Variants in CADPS2 observed in about 807,000 individuals in gnomAD.
CADPS2 encodes calcium dependent secretion activator 2.
A neutral mutation model predicts 172.5 loss-of-function variants in CADPS2; 93 were observed. The observed-to-expected ratio is 0.54, with a 90% CI of 0.46 to 0.64. The LOEUF (loss-of-function observed/expected upper bound fraction) is 0.64, where lower values mean the gene tolerates loss of function less well. CADPS2 is among the 30% of genes least tolerant of loss of function. The pLI is 0.00. For missense variants in CADPS2, 1,420 were observed against 1,565.9 expected, an observed-to-expected ratio of 0.91 and a Z score of 1.57; for synonymous variants, 546 against 555.2, an observed-to-expected ratio of 0.98 and a Z score of 0.23.
intron 1 of CADPS2, among the ~76,000 whole-genome samples, chr7:122,820,051 G>C (rs1219291170): frequency 2.6e-5 from 4 of 152,144 alleles, no homozygotes; most frequent in African/African-American, 4.8e-5. Context: ...TTACAAGTTA[G>C]TTCAGGATCT....
At chr7:122,456,972 T>C (rs1018312694) in intron 14 of CADPS2, among the ~76,000 whole-genome samples, 4 of 152,222 alleles carry the variant, frequency 2.6e-5, no homozygotes, top group African/African-American at 4.8e-5. Context: ...CATCCCGTCA[T>C]GATTATCAAT....
At chr7:122,417,534 A>G (rs2048068946) in intron 17 of CADPS2, among the ~76,000 whole-genome samples, 2 of 152,232 alleles carry the variant, frequency 1.3e-5, no homozygotes, top group African/African-American at 4.8e-5. Context: ...TACTGAAAAG[A>G]TCCATAGACA....
At chr7:122,572,415 T>C (rs1173496081) in intron 7 of CADPS2, among the ~76,000 whole-genome samples, 2 of 152,168 alleles carry the variant, frequency 1.3e-5, no homozygotes, top group Non-Finnish European at 1.5e-5. Context: ...CTTCTGTATA[T>C]ACTGAAGATG....
chr7:122,691,752 C>G (rs1312684016), intron 2 of CADPS2, among the ~76,000 whole-genome samples: 3 of 152,168 alleles, frequency 2.0e-5, no homozygotes. Flanking sequence ...CACAGTGGCA[C>G]CATCCCAGTT....
At chr7:122,674,602 C>T (rs1373026828) in intron 2 of CADPS2, among the ~76,000 whole-genome samples, 1 of 152,242 alleles carries the variant, frequency 6.6e-6, no homozygotes. Flanking sequence ...GTCTGCTCAG[C>T]TGTCTAAACA....
intron 7 of CADPS2, among the ~76,000 whole-genome samples, chr7:122,560,231 G>A (rs1045807519): frequency 1.3e-5 from 2 of 152,154 alleles, no homozygotes; most frequent in African/African-American, 4.8e-5. Flanking sequence ...TGACAATACA[G>A]ACAGGTAGGT....
chr7:122,643,843 C>T (rs1040802525), intron 3 of CADPS2, among the ~76,000 whole-genome samples: 1 of 152,068 alleles, frequency 6.6e-6, no homozygotes, highest in Admixed American at 6.5e-5. Flanking sequence ...ATAATCCCAG[C>T]ATTTTAGGAG....
chr7:122,696,882 C>T (rs995820572), intron 2 of CADPS2, among the ~76,000 whole-genome samples: 3 of 152,040 alleles, frequency 2.0e-5, no homozygotes, highest in Admixed American at 6.6e-5. Context: ...CAAAAATACT[C>T]GAGTGCCAGG....
intron 12 of CADPS2, among the ~76,000 whole-genome samples, chr7:122,478,910 A>C (rs2056993320): frequency 6.6e-6 from 1 of 152,170 alleles, no homozygotes; most frequent in South Asian, 2.1e-4. Context: ...CAGCATGTGC[A>C]CATGTACCCT....
intron 1 of CADPS2, among the ~76,000 whole-genome samples, chr7:122,834,454 A>G (rs1807615209): frequency 6.6e-6 from 1 of 152,098 alleles, no homozygotes; most frequent in African/African-American, 2.4e-5. Context: ...CAGCGGGTGC[A>G]GCCCACTGAG....
chr7:122,533,058 C>G (rs1199256185), intron 8 of CADPS2, among the ~76,000 whole-genome samples: 1 of 152,122 alleles, frequency 6.6e-6, no homozygotes. Flanking sequence ...GCCTATCACT[C>G]TTGCCCTCTA....
chr7:122,865,950 AGAAT>A (rs1471489590), intron 1 of CADPS2, among the ~76,000 whole-genome samples: 1 of 152,244 alleles, frequency 6.6e-6, no homozygotes, highest in Non-Finnish European at 1.5e-5. Flanking sequence ...AAGTCTAAGA[AGAAT>A]GAATGAAGGA....
At chr7:122,871,398 T>G (rs1201928224) in intron 1 of CADPS2, among the ~76,000 whole-genome samples, 3 of 151,974 alleles carry the variant, frequency 2.0e-5, no homozygotes, top group Admixed American at 6.6e-5. Flanking sequence ...ACTGACAATT[T>G]TTAATTATTA....
chr7:122,441,770 A>G (rs1038451899), intron 15 of CADPS2, among the ~76,000 whole-genome samples, 195 bp from the exon 16 acceptor site: 9 of 152,202 alleles, frequency 5.9e-5, no homozygotes, highest in African/African-American at 2.2e-4. Flanking sequence ...TTAAACAATA[A>G]AAGTATAAGC....
At chr7:122,693,964 CA>C (rs781778894) in intron 2 of CADPS2, among the ~76,000 whole-genome samples, 1 of 151,480 alleles carries the variant, frequency 6.6e-6, no homozygotes, top group African/African-American at 2.4e-5. Context: ...AGCTCTGTCT[CA>C]AAAAAATAAA....
At chr7:122,776,087 T>C (rs2093873687) in intron 1 of CADPS2, among the ~76,000 whole-genome samples, 1 of 152,200 alleles carries the variant, frequency 6.6e-6, no homozygotes. Flanking sequence ...ATACCAACTA[T>C]ATGGTTTGGC....
chr7:122,644,915 GACTC>G (rs754129257), intron 3 of CADPS2, among the ~76,000 whole-genome samples: 6 of 152,122 alleles, frequency 3.9e-5, no homozygotes, highest in Non-Finnish European at 7.4e-5. Context: ...TAAAAAATCT[GACTC>G]ACAAATAGCA....
rs574097426 is a variant in CADPS2 at position 122,830,445 on chromosome 7, G to T, written c.339+55554C>A. 1.9e-4 allele frequency among the ~76,000 whole-genome samples: 28 copies of T among 150,750 alleles called. 1 individual carries two copies. In the South Asian group the frequency reaches 5.2e-3, roughly 28 times the overall value. ...AAATCTCACTGATCTCAAAAGGTCTGCAAAGAAGTGAAATACTCCTGAATA... is the reference window on the plus strand; with the variant it reads ...AAATCTCACTGATCTCAAAAGGTCTTCAAAGAAGTGAAATACTCCTGAATA... On this transcript the variant is annotated intron_variant, in intron 1 of 29. Transcript: ENST00000449022.
intron 8 of CADPS2, among the ~76,000 whole-genome samples, chr7:122,549,521 T>C (rs1228585966): frequency 6.6e-6 from 1 of 151,878 alleles, no homozygotes; most frequent in African/African-American, 2.4e-5. Flanking sequence ...CTTGGGAGAC[T>C]GAAGTGGGAG....
Sources: allele counts gnomAD v4.1 joint callset (sites outside exome capture counted in the v4.1 genomes callset), GRCh38; gene constraint gnomAD v4.1.1; transcripts MANE v1.5; gene names NCBI Gene and HGNC (gene_info 2026-07-23, HGNC 2026-07-21).